The following SARS2 variants were observed in gnomAD, a reference collection of about 807,000 sequenced individuals.
SARS2 encodes seryl-tRNA synthetase 2, mitochondrial, also known as serine--tRNA ligase, mitochondrial.
A neutral mutation model predicts 66.8 loss-of-function variants in SARS2; 52 were observed. The ratio of observed to expected loss-of-function variants is 0.78; its 90% CI spans 0.62 to 0.98. The LOEUF (loss-of-function observed/expected upper bound fraction) is 0.98. Ranked by LOEUF, SARS2 falls within the 50% of genes least tolerant of loss-of-function variation. The pLI, the probability that SARS2 is intolerant of heterozygous loss-of-function variation, is 0.00. For missense variants in SARS2, 673 were observed against 706.3 expected, an observed-to-expected ratio of 0.95 and a Z score of 0.53; for synonymous variants, 306 against 281.4, an observed-to-expected ratio of 1.09 and a Z score of -0.87.
intron 2 of SARS2, among the ~76,000 whole-genome samples, chr19:38,924,997 A>G (rs1352677072): frequency 2.0e-5 from 3 of 152,160 alleles, no homozygotes; most frequent in South Asian, 2.1e-4. Flanking sequence ...TGTGGCAGAC[A>G]CTGTTGGTTG....
chr19:38,915,790 G>C (rs1974400696), intron 15 of SARS2, 41 bp from the exon 16 acceptor site: 2 of 1,612,402 alleles, frequency 1.2e-6, no homozygotes, highest in African/African-American at 1.3e-5. Flanking sequence ...AGATGCCCCA[G>C]CCCTCCCCGG....
chr19:38,926,150 G>C lies in SARS2; in HGVS notation c.363+55C>G, dbSNP rs1974623385. ...CTTTAAATTCGGTTTCCTGTTACCT[G>C]TGTCTAGAGACACCCTCGTGGCCAC... On this transcript the variant is annotated intron_variant, in intron 2 of 15. Transcript: ENST00000221431. The C allele has an allele frequency of 2.1e-6, 3 of 1,412,272 alleles. 1 individual carries two copies. Among genetic ancestry groups the C allele is most frequent in the Non-Finnish European group, 3.0e-6 (3 of 1,007,224 alleles). 87.5% of individuals were successfully genotyped at this position (1,412,272 alleles called of 1,614,324 possible).
At chr19:38,921,917 G>C in intron 3 of SARS2, 1 of 1,485,948 alleles carries the variant, frequency 6.7e-7, no homozygotes, top group Admixed American at 2.0e-5. Context: ...ACAGGCACCT[G>C]ATGTCAGCTG....
intron 9 of SARS2, 81 bp downstream of exon 9, chr19:38,918,341 C>A: frequency 7.5e-7 from 1 of 1,331,454 alleles, no homozygotes; most frequent in Non-Finnish European, 1.1e-6. Context: ...GGCAGGTGAT[C>A]CCCCCCAGTG....
intron 1 of SARS2, among the ~76,000 whole-genome samples, chr19:38,929,784 G>A (rs1974698193): frequency 6.6e-6 from 1 of 152,174 alleles, no homozygotes; most frequent in African/African-American, 2.4e-5. Context: ...AGGCTGGGAG[G>A]GGAGTCCAAG....
intron 2 of SARS2, among the ~76,000 whole-genome samples, chr19:38,923,716 T>TA (rs1254962954): frequency 7.1e-6 from 1 of 140,356 alleles, no homozygotes; most frequent in African/African-American, 2.7e-5. Flanking sequence ...CTTGGTGGCT[T>TA]ACGCCTGTAA....
rs1600167927 is a variant in SARS2, at chr19:38,921,545, G to A, written c.516C>T (p.Asn172=). 1 of 1,614,194 alleles carries A rather than the reference G, an allele frequency of 6.2e-7. No individual in the cohort carries two copies. The highest frequency in any genetic ancestry group is 1.3e-5 in the African/African-American group (1 of 75,062). ...QFYLQALKLP[N]QTHPDVPVGD... is the part of the protein sequence containing the mutation. ...TGCTCACCACGTCTGGGTGGGTCTG[G>A]TTGGGCAGCTTCAGCGCCTGCAGGT... The change falls in exon 4 of 16, where the codon AAC becomes AAT. Residue 172 remains asparagine, a synonymous_variant. Coordinates refer to ENST00000221431, the MANE Select transcript of SARS2 (RefSeq NM_017827.4).
chr19:38,926,458 CCT>C (rs971974348), intron 1 of SARS2, among the ~76,000 whole-genome samples, 158 bp from the exon 2 acceptor site: 12 of 152,312 alleles, frequency 7.9e-5, no homozygotes, highest in African/African-American at 2.9e-4. Context: ...ACTGGAATGC[CCT>C]GAGGTTCAGC....
chr19:38,915,547 C>A lies in SARS2; in HGVS notation c.*59G>T. ...CTCAGCAACACAGGTCCCAGGTGTC[C>A]GGGGTCTCCTGAACTCCAGGAAGCA... On this transcript the variant is annotated 3_prime_UTR_variant, in exon 16 of 16. Coordinates refer to ENST00000221431, the MANE Select transcript of SARS2 (RefSeq NM_017827.4). The A allele has an allele frequency of 2.5e-6, 4 of 1,594,356 alleles. No homozygotes were observed. The highest frequency in any genetic ancestry group is 3.4e-6 in the Non-Finnish European group (4 of 1,172,282).
In SARS2 at chr19:38,916,198, G is replaced by A. The variant is rs200269255; in HGVS notation, c.1254+23C>T. On this transcript the variant is annotated intron_variant, in intron 13 of 15. Coordinates refer to ENST00000221431, the MANE Select transcript of SARS2 (RefSeq NM_017827.4). Reference sequence around the variant, plus strand: ...GCAGGCCTGTCCTCCTGCCCACCCCGTCCCCAGCGGCACAGGGCTCACCTC... The same window carrying A: ...GCAGGCCTGTCCTCCTGCCCACCCCATCCCCAGCGGCACAGGGCTCACCTC... 6,173 of 1,613,492 alleles carry A rather than the reference G, an allele frequency of 3.8e-3. 14 individuals carry two copies. The highest frequency in any genetic ancestry group is 4.8e-3 in the Non-Finnish European group (5,656 of 1,179,522).
chr19:38,916,530 G>A (rs1974421868), intron 12 of SARS2, among the ~76,000 whole-genome samples: 2 of 152,086 alleles, frequency 1.3e-5, no homozygotes, highest in Non-Finnish European at 2.9e-5. Flanking sequence ...TGAGGCCAGG[G>A]GTGGTTATGG....
intron 2 of SARS2, among the ~76,000 whole-genome samples, chr19:38,923,621 GGC>G (rs1263170389): frequency 6.6e-6 from 1 of 150,800 alleles, no homozygotes; most frequent in Admixed American, 6.7e-5. Context: ...GATCACCTGA[GGC>G]CAGCAGTTGG....
At chr19:38,919,672 A>G in intron 7 of SARS2, 90 bp downstream of exon 7, 2 of 949,210 alleles carry the variant, frequency 2.1e-6, no homozygotes, top group Non-Finnish European at 3.5e-6. Flanking sequence ...TGACTAGGGC[A>G]GAGCAGAGAT....
chr19:38,918,264 G>T, intron 9 of SARS2, 125 bp from the exon 10 acceptor site: 1 of 1,173,316 alleles, frequency 8.5e-7, no homozygotes, highest in Non-Finnish European at 1.2e-6. Flanking sequence ...GATTATCACT[G>T]TACTGCTGTA....
intron 2 of SARS2, among the ~76,000 whole-genome samples, chr19:38,924,179 C>G (rs899038934): frequency 1.3e-5 from 2 of 151,816 alleles, no homozygotes; most frequent in South Asian, 4.2e-4. Context: ...TCTGTAGATT[C>G]GAAAATGGAA....
rs778297773 is a variant in SARS2, at chr19:38,918,484, T to C, written c.854A>G (p.Asn285Ser). The C allele has an allele frequency of 1.9e-6, 3 of 1,613,936 alleles. No homozygotes were observed. The highest frequency in any genetic ancestry group is 2.5e-6 in the Non-Finnish European group (3 of 1,179,942). Residue 285 changes from asparagine to serine, a missense_variant, in exon 9 of 16, where the codon AAC becomes AGC. Coordinates refer to ENST00000221431, the MANE Select transcript of SARS2 (RefSeq NM_017827.4). ...TPNANPSQIY[N>S]IDPARFKDLN... is the part of the protein sequence containing the mutation. ...ATCTTTGAAGCGGGCAGGGTCGATG[T>C]TGTAAATTTGGGATGGGTTGGCATT...
intron 12 of SARS2, 140 bp from the exon 13 acceptor site, chr19:38,916,454 G>A: frequency 1.4e-6 from 1 of 699,716 alleles, no homozygotes; most frequent in South Asian, 1.7e-5. Context: ...GCAACATAAG[G>A]AGACCTCATC....
In SARS2 at chr19:38,924,344, C is replaced by T. The variant is rs117113717; in HGVS notation, c.363+1861G>A. 4.6e-3 allele frequency among the ~76,000 whole-genome samples: 707 copies of T among 152,328 alleles called. 6 individuals carry two copies. Among genetic ancestry groups the T allele is most frequent in the Admixed American group, 1.0e-2 (153 of 15,304 alleles). On this transcript the variant is annotated intron_variant, in intron 2 of 15. Coordinates refer to ENST00000221431, the MANE Select transcript of SARS2 (RefSeq NM_017827.4). Reference sequence around the variant, plus strand: ...ACATGCTGTGAGCCCTTGGGAAAATCTCTGCCCCCTCTGAGCCTCAGTATC... The same window carrying T: ...ACATGCTGTGAGCCCTTGGGAAAATTTCTGCCCCCTCTGAGCCTCAGTATC...
Position 38,919,806 on chromosome 19 carries a change from G to A in SARS2, c.715C>T (p.Gln239Ter). The A allele has an allele frequency of 6.2e-7, 1 of 1,614,224 alleles. No individual in the cohort carries two copies. The change falls in exon 7 of 16, where the codon CAG becomes TAG. Residue 239 changes from glutamine (Q) to a stop codon, truncating the protein, a stop_gained. Transcript: ENST00000221431. LOFTEE classifies it high-confidence loss of function. ...AATGTGAAGTTGACCAGGCCGTGCTGCAGGAGGGCTCCAGCCCCGCGCAGG... is the reference window on the plus strand; with the variant it reads ...AATGTGAAGTTGACCAGGCCGTGCTACAGGAGGGCTCCAGCCCCGCGCAGG... The part of the protein sequence containing the change: ...YYLRGAGALL[Q>*]HGLVNFTFNK...
Sources: gnomAD v4.1 joint callset for allele counts (sites outside exome capture counted in the v4.1 genomes callset) on GRCh38, gnomAD v4.1.1 for gene constraint, MANE v1.5 for transcripts, NCBI Gene and HGNC (gene_info 2026-07-23, HGNC 2026-07-21) for gene names.